ATRX: variants seen among roughly 807,000 people sequenced by gnomAD.
The protein encoded by ATRX is ATRX chromatin remodeler, also known as chromatin remodeler ATRX.
A neutral mutation model predicts 172.6 loss-of-function variants in ATRX; 12 were observed. The ratio of observed to expected loss-of-function variants is 0.07; its 90% CI spans 0.04 to 0.11. ATRX has a LOEUF of 0.11. Ranked by LOEUF, ATRX falls within the 10% of genes least tolerant of loss-of-function variation. ATRX has a pLI of 1.00. For synonymous variants in ATRX, 674 were observed against 594.7 expected, an observed-to-expected ratio of 1.13 and a Z score of -1.94; for missense variants, 1,368 against 1,767.4, an observed-to-expected ratio of 0.77 and a Z score of 4.05.
chrX:77,762,467 G>A (rs2075754366), intron 1 of ATRX, among the ~76,000 whole-genome samples: 1 of 110,338 alleles, frequency 9.1e-6, no homozygotes, highest in Non-Finnish European at 1.9e-5. Flanking sequence ...TTTAATAAAG[G>A]TTCGTAGAAC....
chrX:77,764,911 C>T (rs1355437353), intron 1 of ATRX, among the ~76,000 whole-genome samples: 2 of 111,911 alleles, frequency 1.8e-5, no homozygotes, highest in East Asian at 2.8e-4. Context: ...TGGCAGGGTG[C>T]GGTGGCTCAT....
intron 1 of ATRX, among the ~76,000 whole-genome samples, chrX:77,761,864 G>A (rs563378656): frequency 2.7e-5 from 3 of 111,055 alleles, no homozygotes; most frequent in African/African-American, 9.8e-5. Flanking sequence ...TGCAGACTTG[G>A]CATTCTTAGA....
At chrX:77,555,679 G>T (rs1268371922) in intron 30 of ATRX, among the ~76,000 whole-genome samples, 4 of 109,728 alleles carry the variant, frequency 3.6e-5, no homozygotes, top group Non-Finnish European at 7.6e-5. Flanking sequence ...CATGGGGAGG[G>T]TTACATCACC....
chrX:77,696,537 C>T (rs1468723680), intron 5 of ATRX, 40 bp downstream of exon 5: 1 of 1,182,435 alleles, frequency 8.5e-7, no homozygotes, highest in Non-Finnish European at 1.1e-6. Context: ...TTTAAAAATT[C>T]ATTTCAACTT....
chrX:77,755,504 T>C (rs1035309788), intron 1 of ATRX, among the ~76,000 whole-genome samples: 2 of 112,058 alleles, frequency 1.8e-5, no homozygotes, highest in Non-Finnish European at 3.8e-5. Context: ...CTGATGACCT[T>C]TTGATGGGGT....
chrX:77,520,355 A>C (rs1265484530), intron 34 of ATRX, among the ~76,000 whole-genome samples: 1 of 111,775 alleles, frequency 8.9e-6, no homozygotes, highest in Non-Finnish European at 1.9e-5. Flanking sequence ...TTGAGGTGAT[A>C]GATATCCTTT....
At position 77,701,473 on chromosome X, in the gene ATRX, T is replaced by C. The variant is rs141918086; in HGVS notation, c.134-2844A>G. 0.022 allele frequency among the ~76,000 whole-genome samples: 2,372 copies of C among 108,365 alleles called. 199 individuals are homozygous for C. The East Asian group carries it at 0.37, about 17-fold the overall frequency. 94.1% of individuals were successfully genotyped at this position (108,365 alleles called of 115,157 possible). A position where few individuals can be genotyped will look rare whatever the true frequency, so the allele number is the denominator to read the frequency against. On this transcript the variant is annotated intron_variant, in intron 2 of 34. Coordinates refer to ENST00000373344, the MANE Select transcript of ATRX (RefSeq NM_000489.6). ...GCTGCAGTGAGCCGAGATTGTGCCA[T>C]TGCACTCCAGCCTGGGCAACAAGAG...
At chrX:77,557,758 T>C (rs2064855807) in intron 29 of ATRX, 113 bp from the exon 30 acceptor site, 1 of 642,546 alleles carries the variant, frequency 1.6e-6, no homozygotes, top group African/African-American at 2.2e-5. Flanking sequence ...TTTATGGTAG[T>C]ATATTGCCAT....
At chrX:77,608,360 C>T (rs782214753) in intron 22 of ATRX, among the ~76,000 whole-genome samples, 1 of 95,517 alleles carries the variant, frequency 1.0e-5, no homozygotes, top group South Asian at 5.3e-4. Context: ...CAGAGCGAGA[C>T]CCCGTCTCAA....
intron 30 of ATRX, among the ~76,000 whole-genome samples, chrX:77,532,093 C>CT (rs2063595439): frequency 9.0e-6 from 1 of 111,167 alleles, no homozygotes; most frequent in Non-Finnish European, 1.9e-5. Flanking sequence ...TGAAGGACCT[C>CT]TTCAAGGAGA....
chrX:77,733,707 A>T lies in ATRX; in HGVS notation c.21-16464T>A, dbSNP rs1162330611. Among the ~76,000 whole-genome samples, 40 of 12,093 alleles carry T rather than the reference A, an allele frequency of 3.3e-3. 1 individual carries two copies. The Admixed American group carries it at 0.046, about 14-fold the overall frequency. 10.5% of individuals were successfully genotyped at this position (12,093 alleles called of 115,157 possible). On this transcript the variant is annotated intron_variant, in intron 1 of 34. Transcript: ENST00000373344. ...AACAGGGTGAAACCCCATCTATGCT[A>T]AAAAAAAAAAAAAAAAAAAAAAAAA...
At chrX:77,619,088 G>C (rs902954773) in intron 20 of ATRX, 107 bp from the exon 21 acceptor site, 5 of 535,806 alleles carry the variant, frequency 9.3e-6, no homozygotes, top group Middle Eastern at 5.7e-4. Flanking sequence ...TTAGAATTAA[G>C]CTATAAAGAA....
chrX:77,639,359 G>C (rs1448194380), intron 15 of ATRX, among the ~76,000 whole-genome samples: 1 of 111,877 alleles, frequency 8.9e-6, no homozygotes, highest in Non-Finnish European at 1.9e-5. Context: ...AGTAGCTAAG[G>C]ACCTAAGTGT....
chrX:77,659,127 GAC>G (rs1231245796), intron 12 of ATRX, among the ~76,000 whole-genome samples: 1 of 111,127 alleles, frequency 9.0e-6, no homozygotes, highest in African/African-American at 3.3e-5. Flanking sequence ...TTTAGGGACA[GAC>G]AGAAGTTATG....
intron 10 of ATRX, among the ~76,000 whole-genome samples, chrX:77,670,043 A>C (rs2070470754): frequency 8.9e-6 from 1 of 111,906 alleles, no homozygotes; most frequent in South Asian, 3.7e-4. Flanking sequence ...TATTTAATCC[A>C]GTATGCACTC....
intron 30 of ATRX, among the ~76,000 whole-genome samples, chrX:77,533,218 G>T (rs1463319041): frequency 8.9e-6 from 1 of 112,325 alleles, no homozygotes; most frequent in Non-Finnish European, 1.9e-5. Flanking sequence ...ACAGTGTGGC[G>T]ATTCCTCAAA....
intron 34 of ATRX, among the ~76,000 whole-genome samples, chrX:77,519,362 C>T (rs1557040360): frequency 1.8e-5 from 2 of 111,296 alleles, no homozygotes; most frequent in Admixed American, 9.5e-5. Context: ...AGATATTTCT[C>T]GAAAGAAGAC....
chrX:77,555,262 G>A (rs1439656308), intron 30 of ATRX, among the ~76,000 whole-genome samples: 1 of 111,804 alleles, frequency 8.9e-6, no homozygotes, highest in Non-Finnish European at 1.9e-5. Flanking sequence ...ACTGTTGGTG[G>A]GAGTGTTAGT....
chrX:77,558,602 C>T (rs1276068526), intron 29 of ATRX, 67 bp downstream of exon 29: 1 of 972,910 alleles, frequency 1.0e-6, no homozygotes, highest in Admixed American at 2.4e-5. Context: ...CACATATGTT[C>T]CATATCTCTA....
Sources: gnomAD v4.1 joint callset for allele counts (sites outside exome capture counted in the v4.1 genomes callset) on GRCh38, gnomAD v4.1.1 for gene constraint, MANE v1.5 for transcripts, NCBI Gene and HGNC (gene_info 2026-07-23, HGNC 2026-07-21) for gene names.